Variants in MCTP1 observed in about 807,000 individuals in gnomAD.
The protein encoded by MCTP1 is multiple C2 and transmembrane domain containing 1.
In MCTP1, 69 loss-of-function variants were observed where a neutral mutation model predicts 120.6. The observed-to-expected ratio is 0.57, with a 90% confidence interval of 0.47 to 0.70. The LOEUF is 0.70. Ranked by LOEUF, MCTP1 falls within the 30% of genes least tolerant of loss-of-function variation. The pLI, the probability that MCTP1 is intolerant of heterozygous loss-of-function variation, is 0.00. For missense variants in MCTP1, 1,203 were observed against 1,248.8 expected, an observed-to-expected ratio of 0.96 and a Z score of 0.55; for synonymous variants, 529 against 493.1, an observed-to-expected ratio of 1.07 and a Z score of -0.96.
At chr5:94,708,904 A>C (rs1452348541) in intron 21 of MCTP1, 14 of 211,504 alleles carry the variant, frequency 6.6e-5, no homozygotes, top group Admixed American at 6.0e-4. Flanking sequence ...TCTACTTAGA[A>C]GCCTTGCTTT....
intron 1 of MCTP1, among the ~76,000 whole-genome samples, chr5:95,234,880 T>C (rs1050851248): frequency 1.3e-5 from 2 of 152,122 alleles, no homozygotes; most frequent in African/African-American, 4.8e-5. Context: ...AAGGCCCAAA[T>C]AGCTTCACTA....
At position 95,266,649 on chromosome 5, in the gene MCTP1, T is replaced by C. The variant is rs540171970; in HGVS notation, c.720+17207A>G. ...TTAGACTTGGGCATGGCTTCTGTCA[T>C]GAAAATTTTTACTAGATGCTATTTC... On this transcript the variant is annotated intron_variant, in intron 1 of 22. Coordinates refer to ENST00000515393, the MANE Select transcript of MCTP1 (RefSeq NM_024717.7). Among the ~76,000 whole-genome samples, 11 of 152,342 alleles carry C rather than the reference T, an allele frequency of 7.2e-5. No homozygotes were observed. In the South Asian group the frequency reaches 2.1e-3, roughly 29 times the overall value.
intron 18 of MCTP1, among the ~76,000 whole-genome samples, chr5:94,791,671 G>T (rs1195797185): frequency 6.6e-6 from 1 of 152,200 alleles, no homozygotes; most frequent in Non-Finnish European, 1.5e-5. Flanking sequence ...CAAAATATGT[G>T]TGATAAGAAA....
intron 17 of MCTP1, chr5:94,867,901 T>A (rs1581112927): frequency 6.3e-6 from 1 of 157,622 alleles, no homozygotes; most frequent in Admixed American, 6.4e-5. Flanking sequence ...CCAAGTAGCA[T>A]TGGTAGCATT....
intron 1 of MCTP1, among the ~76,000 whole-genome samples, chr5:95,231,190 T>C (rs1754899299): frequency 6.6e-6 from 1 of 152,190 alleles, no homozygotes; most frequent in Admixed American, 6.5e-5. Context: ...GGCCATTTAG[T>C]GCATAAACAG....
intron 1 of MCTP1, among the ~76,000 whole-genome samples, chr5:95,250,141 G>T (rs1757240260): frequency 6.6e-6 from 1 of 150,994 alleles, no homozygotes; most frequent in African/African-American, 2.4e-5. Context: ...ATGTACCCTA[G>T]AACTTAAAAG....
chr5:94,952,919 T>C lies in MCTP1; in HGVS notation c.981+300A>G, dbSNP rs550699055. 2.4e-4 allele frequency among the ~76,000 whole-genome samples: 36 copies of C among 152,318 alleles called. No homozygotes were observed. In the South Asian group the frequency reaches 6.6e-3, roughly 28 times the overall value. On this transcript the variant is annotated intron_variant, in intron 3 of 22. Transcript: ENST00000515393. ...AAGTTCTCCTTTCTGTTAACTTATATGGAAACTTGTTTTCATATGCTCCCA... is the reference window on the plus strand; with the variant it reads ...AAGTTCTCCTTTCTGTTAACTTATACGGAAACTTGTTTTCATATGCTCCCA...
intron 1 of MCTP1, among the ~76,000 whole-genome samples, chr5:95,131,983 C>A (rs1196304560): frequency 6.6e-6 from 1 of 152,170 alleles, no homozygotes; most frequent in Non-Finnish European, 1.5e-5. Flanking sequence ...ATGAGCCACA[C>A]AAGAAATTAG....
At chr5:94,865,491 T>C (rs1796640106) in intron 17 of MCTP1, among the ~76,000 whole-genome samples, 1 of 151,862 alleles carries the variant, frequency 6.6e-6, no homozygotes, top group Admixed American at 6.6e-5. Context: ...GATATTATGA[T>C]AATAGACCCA....
At chr5:95,168,608 T>C (rs997024418) in intron 1 of MCTP1, among the ~76,000 whole-genome samples, 67 of 152,316 alleles carry the variant, frequency 4.4e-4, no homozygotes, top group African/African-American at 1.6e-3. Flanking sequence ...CTTGAAGAGG[T>C]CCTTCACATC....
chr5:95,282,684 G>C (rs1281337344), intron 1 of MCTP1, among the ~76,000 whole-genome samples: 1 of 152,066 alleles, frequency 6.6e-6, no homozygotes, highest in African/African-American at 2.4e-5. Flanking sequence ...ATATTTTTCT[G>C]GATCATCAGG....
intron 17 of MCTP1, among the ~76,000 whole-genome samples, chr5:94,823,224 T>C (rs1212808854): frequency 6.6e-6 from 1 of 152,230 alleles, no homozygotes; most frequent in Non-Finnish European, 1.5e-5. Flanking sequence ...TTAATTTTTG[T>C]ATAAGGTGTA....
chr5:95,267,890 T>C (rs1206160547), intron 1 of MCTP1, among the ~76,000 whole-genome samples: 1 of 152,210 alleles, frequency 6.6e-6, no homozygotes, highest in East Asian at 1.9e-4. Flanking sequence ...GCCCAGGCAA[T>C]CTTCCTCTAA....
chr5:94,787,127 GTTCTT>G (rs1218999591), intron 18 of MCTP1, among the ~76,000 whole-genome samples: 2 of 152,172 alleles, frequency 1.3e-5, no homozygotes, highest in Admixed American at 6.5e-5. Context: ...GAAACGCCCT[GTTCTT>G]TGCTCATGGT....
At chr5:95,055,538 A>T (rs1747153216) in intron 1 of MCTP1, among the ~76,000 whole-genome samples, 1 of 152,262 alleles carries the variant, frequency 6.6e-6, no homozygotes, top group Admixed American at 6.5e-5. Flanking sequence ...GGAGAGGTTA[A>T]GCAACATGTC....
chr5:94,806,140 ACT>A (rs1317966227), intron 17 of MCTP1, among the ~76,000 whole-genome samples: 1 of 151,530 alleles, frequency 6.6e-6, no homozygotes, highest in Non-Finnish European at 1.5e-5. Flanking sequence ...ATCTTACACG[ACT>A]CTGAATAATC....
intron 2 of MCTP1, among the ~76,000 whole-genome samples, chr5:94,989,885 G>T (rs997384242): frequency 3.3e-5 from 5 of 152,152 alleles, no homozygotes; most frequent in Admixed American, 2.0e-4. Context: ...ACACTGATGT[G>T]CTGGAAGGTG....
chr5:94,854,653 A>T (rs557488664), intron 17 of MCTP1, among the ~76,000 whole-genome samples: 1 of 151,954 alleles, frequency 6.6e-6, no homozygotes, highest in Non-Finnish European at 1.5e-5. Flanking sequence ...ATAAATAAAT[A>T]AAAATATATG....
intron 1 of MCTP1, among the ~76,000 whole-genome samples, chr5:95,109,752 C>T (rs1757327063): frequency 6.6e-6 from 1 of 152,180 alleles, no homozygotes; most frequent in Non-Finnish European, 1.5e-5. Context: ...TTAGTTATTA[C>T]ATTCTGCTGT....
Sources: gnomAD v4.1 joint callset for allele counts (sites outside exome capture counted in the v4.1 genomes callset) on GRCh38, gnomAD v4.1.1 for gene constraint, MANE v1.5 for transcripts, NCBI Gene and HGNC (gene_info 2026-07-23, HGNC 2026-07-21) for gene names.